The following PTPRF variants were observed in gnomAD, a reference collection of about 807,000 sequenced individuals.
The protein encoded by PTPRF is receptor-type tyrosine-protein phosphatase F.
PTPRF carries 59 observed loss-of-function variants against 201.8 expected under a neutral mutation model. The observed-to-expected ratio is 0.29, with a 90% confidence interval of 0.24 to 0.36. The LOEUF (loss-of-function observed/expected upper bound fraction) is 0.36. Among genes scored for constraint, PTPRF ranks in the 10% least tolerant of loss-of-function variants. PTPRF has a pLI of 1.00. For synonymous variants in PTPRF, 1,088 were observed against 1,089.7 expected (o/e 1.00, Z 0.03); for missense variants, 2,132 against 2,690.5 (o/e 0.79, Z 4.59).
At chr1:43,544,018 A>G (rs1412475083) in intron 2 of PTPRF, among the ~76,000 whole-genome samples, 1 of 152,166 alleles carries the variant, frequency 6.6e-6, no homozygotes, top group Non-Finnish European at 1.5e-5. Context: ...ATAGCAGCGT[A>G]TCTCCCATGT....
intron 11 of PTPRF, among the ~76,000 whole-genome samples, chr1:43,594,743 G>T (rs1441058409): frequency 1.3e-5 from 2 of 152,154 alleles, no homozygotes; most frequent in Non-Finnish European, 2.9e-5. Context: ...TGCTGGCGTA[G>T]AATGGGAAAT....
rs191424395 is a variant in PTPRF at position 43,554,640 on chromosome 1, A to C, written c.379+699A>C. Among the ~76,000 whole-genome samples the C allele has an allele frequency of 3.6e-4, 54 of 152,092 alleles. No homozygotes were observed. The highest frequency in any genetic ancestry group is 1.3e-3 in the African/African-American group (52 of 41,478). ...GCTAGAGAGCACAGGAAGAAGGAGA[A>C]AGCAATTCAGCATGAGTCTGGAGAG... On this transcript the variant is annotated intron_variant, in intron 5 of 33. Coordinates refer to ENST00000359947, the MANE Select transcript of PTPRF (RefSeq NM_002840.5). This position sits in a 1 kb window ranked among gnomAD's most constrained non-coding sequence, Gnocchi z 4.1.
At chr1:43,594,080 T>C (rs1651593513) in intron 11 of PTPRF, among the ~76,000 whole-genome samples, 1 of 152,192 alleles carries the variant, frequency 6.6e-6, no homozygotes. Context: ...GCAGACACCA[T>C]GTGTCTGGTC....
At chr1:43,531,463 G>T (rs1283735184) in intron 1 of PTPRF, among the ~76,000 whole-genome samples, 1 of 108,134 alleles carries the variant, frequency 9.2e-6, no homozygotes, top group African/African-American at 3.6e-5. Context: ...GTCCCGCCTC[G>T]TCCCCCCTTC....
intron 16 of PTPRF, among the ~76,000 whole-genome samples, chr1:43,604,530 C>G (rs530686599): frequency 6.6e-6 from 1 of 152,324 alleles, no homozygotes; most frequent in African/African-American, 2.4e-5. Flanking sequence ...CCACCGACCT[C>G]TAGTGAACAT....
chr1:43,523,752 A>G (rs1269667147), upstream of PTPRF, among the ~76,000 whole-genome samples: 4 of 152,172 alleles, frequency 2.6e-5, no homozygotes, highest in Non-Finnish European at 5.9e-5. Flanking sequence ...ACTCTTATGG[A>G]AGAAGAGGCT....
At chr1:43,524,055 A>C (rs75993067), upstream of PTPRF, among the ~76,000 whole-genome samples, 31 of 91,388 alleles carry the variant, frequency 3.4e-4, no homozygotes, top group African/African-American at 9.5e-4. Flanking sequence ...TCTGTCAAAA[A>C]AAAAAAAAAA....
chr1:43,549,258 C>T (rs556853454), intron 3 of PTPRF, among the ~76,000 whole-genome samples: 1 of 152,346 alleles, frequency 6.6e-6, no homozygotes, highest in South Asian at 2.1e-4. Context: ...AGCTGTGGGT[C>T]AGGCACGGGG....
intron 14 of PTPRF, among the ~76,000 whole-genome samples, 171 bp downstream of exon 14, chr1:43,602,268 G>A (rs926986007): frequency 2.0e-5 from 3 of 152,206 alleles, no homozygotes; most frequent in South Asian, 2.1e-4. Flanking sequence ...GCAGCGATTG[G>A]CATTTCCTCT....
In PTPRF at chr1:43,603,567, G is replaced by A; in HGVS notation, c.2458+34G>A. 6.2e-7 allele frequency: 1 copy of A among 1,612,760 alleles called. No homozygotes were observed. Among genetic ancestry groups the A allele is most frequent in the Non-Finnish European group, 8.5e-7 (1 of 1,179,162 alleles). ...GGGGTCAGGACGGACCTGAGGGTGG[G>A]GCAGCAGGAGGGCAGCGCCAGAGCC... On this transcript the variant is annotated intron_variant, in intron 15 of 33. Coordinates refer to ENST00000359947, the MANE Select transcript of PTPRF (RefSeq NM_002840.5). This position sits in a 1 kb window ranked among gnomAD's most constrained non-coding sequence, Gnocchi z 5.8.
rs545008210 is a variant in PTPRF at position 43,618,612 on chromosome 1, C to G, written c.4372-18C>G. On this transcript the variant is annotated intron_variant, in intron 25 of 33. Transcript: ENST00000359947. ...GCCTGTGGGCTTCCTTCAGCCTGCC[C>G]TGCTCATCCTCCTGCAGGTAAAATG... 1 of 1,589,370 alleles carries G rather than the reference C, an allele frequency of 6.3e-7. No homozygotes were observed. The highest frequency in any genetic ancestry group is 8.6e-7 in the Non-Finnish European group (1 of 1,159,900).
At chr1:43,618,204 T>C (rs960737090) in intron 25 of PTPRF, among the ~76,000 whole-genome samples, 2 of 152,278 alleles carry the variant, frequency 1.3e-5, no homozygotes, top group East Asian at 3.9e-4. Flanking sequence ...GGGGTATTCA[T>C]GTGTTCCCCA....
intron 2 of PTPRF, among the ~76,000 whole-genome samples, chr1:43,544,279 C>T (rs1290306549): frequency 6.6e-6 from 1 of 152,232 alleles, no homozygotes; most frequent in African/African-American, 2.4e-5. Context: ...ACACCCCATT[C>T]CTGGCCACTG....
chr1:43,588,401 T>G lies in PTPRF; in HGVS notation c.680-330T>G, dbSNP rs1485041478. 3.3e-5 allele frequency among the ~76,000 whole-genome samples: 5 copies of G among 152,164 alleles called. No homozygotes were observed. Among genetic ancestry groups the G allele is most frequent in the African/African-American group, 9.7e-5 (4 of 41,432 alleles). ...TGTGGTCCTGACCAGGCCTGGACCT[T>G]GTACTGAGTCCCTGTGTGACCCTGG... On this transcript the variant is annotated intron_variant, in intron 7 of 33. Transcript: ENST00000359947. The surrounding 1 kb of genome is among the most constrained non-coding windows in gnomAD (Gnocchi z 5.3).
rs1425563157 is a variant in PTPRF, at chr1:43,603,497, C to T, written c.2422C>T (p.Arg808Cys). ...AAYTTKGDGA[R>C]SKPKIVTTTG... ...CTATACCACCAAGGGGGATGGTGCC[C>T]GCAGCAAGCCCAAAATTGTCACTAC... is the stretch of plus-strand genomic sequence containing the variant. The change falls in exon 15 of 34, where the codon CGC becomes TGC. Residue 808 changes from arginine (R) to cysteine (C), a missense_variant. This residue lies in a region of PTPRF where 818 missense variants were observed against 915.3 expected (regional missense o/e 0.89). Transcript: ENST00000359947. This position sits in a 1 kb window ranked among gnomAD's most constrained non-coding sequence, Gnocchi z 5.8. 1.2e-6 allele frequency: 2 copies of T among 1,614,148 alleles called. No homozygotes were observed. The highest frequency in any genetic ancestry group is 1.1e-5 in the South Asian group (1 of 91,084).
Position 43,591,313 on chromosome 1 carries a change from C to G in PTPRF, c.1291C>G (p.Leu431Val), listed in dbSNP as rs1228096536. The G allele has an allele frequency of 6.4e-7, 1 of 1,551,888 alleles. No individual in the cohort carries two copies. Among genetic ancestry groups the G allele is most frequent in the Non-Finnish European group, 8.7e-7 (1 of 1,149,344 alleles). ...ACGCATGCTGAGCGCCAGCACCATG[C>G]TGGTGCAGTGGGAGCCTCCCGAGGA... The part of the protein sequence containing the change: ...QARMLSASTM[L>V]VQWEPPEEPN... Residue 431 changes from leucine to valine, a missense_variant, in exon 9 of 34, where the codon CTG becomes GTG. Leu to Val is a conservative substitution (Grantham distance 32). This residue lies in a region of PTPRF where 351 missense variants were observed against 401.7 expected (regional missense o/e 0.87). Transcript: ENST00000359947.
chr1:43,539,564 G>A (rs1016271392), intron 2 of PTPRF, among the ~76,000 whole-genome samples: 8 of 152,172 alleles, frequency 5.3e-5, no homozygotes, highest in African/African-American at 1.7e-4. Flanking sequence ...GTATGTCCTG[G>A]GTGTCTCCTG....
chr1:43,602,464 C>T (rs943236163), intron 14 of PTPRF, among the ~76,000 whole-genome samples: 1 of 152,170 alleles, frequency 6.6e-6, no homozygotes, highest in Non-Finnish European at 1.5e-5. Context: ...TCTGGAGAGT[C>T]GGATTCTGGC....
chr1:43,523,896 A>T (rs1407404260), upstream of PTPRF, among the ~76,000 whole-genome samples: 1 of 151,880 alleles, frequency 6.6e-6, no homozygotes, highest in East Asian at 1.9e-4. Flanking sequence ...TAAAGAAAAA[A>T]AAAAAAGGAA....
Sources: gnomAD v4.1 joint callset for allele counts (sites outside exome capture counted in the v4.1 genomes callset) on GRCh38, gnomAD v4.1.1 for gene constraint, gnomAD v4.1.1 regional missense constraint, Gnocchi (gnomAD v3.1) non-coding constraint, MANE v1.5 for transcripts, NCBI Gene and HGNC (gene_info 2026-07-23, HGNC 2026-07-21) for gene names.